DLC1: variants seen among roughly 807,000 people sequenced by gnomAD.
DLC1 encodes rho GTPase-activating protein 7.
Under a neutral mutation model 140.3 loss-of-function variants are expected in DLC1, and 54 were observed. The observed-to-expected ratio is 0.38, with a 90% CI of 0.31 to 0.48. The LOEUF is 0.48. DLC1 is among the 20% of genes least tolerant of loss of function. The pLI is 0.96. For missense variants in DLC1, 2,536 were observed against 1,907.0 expected, an observed-to-expected ratio of 1.33 and a Z score of -6.14; for synonymous variants, 986 against 728.1, an observed-to-expected ratio of 1.35 and a Z score of -5.70.
At chr8:13,168,615 T>G (rs1360716346) in intron 5 of DLC1, among the ~76,000 whole-genome samples, 1 of 152,262 alleles carries the variant, frequency 6.6e-6, no homozygotes, top group African/African-American at 2.4e-5. Context: ...CAGTATCTTT[T>G]GTCTTTTGTT....
At chr8:13,513,823 G>A (rs1337393068) in intron 1 of DLC1, among the ~76,000 whole-genome samples, 6 of 152,146 alleles carry the variant, frequency 3.9e-5, no homozygotes, top group Non-Finnish European at 8.8e-5. Flanking sequence ...TATGACTGGA[G>A]TGATTTCTGG....
In DLC1 at chr8:13,146,005, G is replaced by A. The variant is rs554053338; in HGVS notation, c.1349-30348C>T. Among the ~76,000 whole-genome samples the A allele has an allele frequency of 1.1e-4, 16 of 152,198 alleles. 1 individual carries two copies. The South Asian group carries it at 2.1e-3, about 20-fold the overall frequency. On this transcript the variant is annotated intron_variant, in intron 5 of 17. Transcript: ENST00000276297. ...CTTAAAATATACTGTAGGGCCGGGC[G>A]CAGTGGCTCATACCTGTAATCCCAG...
chr8:13,200,532 T>C (rs916423680), intron 5 of DLC1, among the ~76,000 whole-genome samples: 4 of 152,216 alleles, frequency 2.6e-5, no homozygotes, highest in African/African-American at 9.6e-5. Flanking sequence ...TGATGTTTTC[T>C]TTCCTAAATA....
intron 2 of DLC1, among the ~76,000 whole-genome samples, chr8:13,414,189 A>G (rs1421797253): frequency 2.6e-5 from 4 of 152,282 alleles, no homozygotes; most frequent in Middle Eastern, 6.8e-3. Flanking sequence ...AGGAATTAAA[A>G]ATTTTTTGGT....
At chr8:13,451,148 A>C (rs1196547788) in intron 2 of DLC1, among the ~76,000 whole-genome samples, 2 of 151,884 alleles carry the variant, frequency 1.3e-5, no homozygotes, top group East Asian at 3.9e-4. Context: ...TATGTTTGAA[A>C]AAACAAAGAT....
At chr8:13,393,468 C>A (rs1037603763) in intron 4 of DLC1, 85 bp downstream of exon 4, 1 of 1,400,958 alleles carries the variant, frequency 7.1e-7, no homozygotes, top group Non-Finnish European at 9.7e-7. Flanking sequence ...AACAGTATTT[C>A]TTCTATATCG....
chr8:13,166,137 C>T (rs1825090049), intron 5 of DLC1, among the ~76,000 whole-genome samples: 2 of 152,124 alleles, frequency 1.3e-5, no homozygotes, highest in Non-Finnish European at 2.9e-5. Context: ...AGGCTCAGAA[C>T]CCTGGCATCT....
At position 13,385,399 on chromosome 8, in the gene DLC1, C is replaced by G. The variant is rs957995931; in HGVS notation, c.1314+8154G>C. Among the ~76,000 whole-genome samples, 7 of 151,938 alleles carry G rather than the reference C, an allele frequency of 4.6e-5. No homozygotes were observed. The South Asian group carries it at 1.5e-3, about 32-fold the overall frequency. On this transcript the variant is annotated intron_variant, in intron 4 of 17. Transcript: ENST00000276297. The stretch of plus-strand genomic sequence containing the variant: ...AGGTCATCTGGATTATACCAGCTGG[C>G]TAAAGTAGAAAGACTAGAGAAACGC...
intron 2 of DLC1, among the ~76,000 whole-genome samples, chr8:13,422,696 G>A (rs960598069): frequency 4.0e-5 from 6 of 151,434 alleles, no homozygotes; most frequent in Non-Finnish European, 8.8e-5. Flanking sequence ...TTTCTATATC[G>A]AGCAACTATT....
intron 5 of DLC1, among the ~76,000 whole-genome samples, chr8:13,300,381 C>G (rs1006261891): frequency 2.6e-5 from 4 of 152,154 alleles, no homozygotes; most frequent in African/African-American, 9.7e-5. Context: ...CACCATGACA[C>G]ACGTTTACCT....
At chr8:13,564,413 G>C (rs577362567) in intron 1 of DLC1, among the ~76,000 whole-genome samples, 1 of 152,226 alleles carries the variant, frequency 6.6e-6, no homozygotes, top group Admixed American at 6.5e-5. Flanking sequence ...ATTTCATCTT[G>C]CTGCATCTAC....
chr8:13,454,534 G>A (rs1283947648), intron 2 of DLC1, among the ~76,000 whole-genome samples: 8 of 152,114 alleles, frequency 5.3e-5, no homozygotes, highest in Admixed American at 5.2e-4. Flanking sequence ...TAATAAAGAA[G>A]GAGGTATACA....
chr8:13,538,299 C>G (rs1481187843), intron 1 of DLC1, among the ~76,000 whole-genome samples: 1 of 151,760 alleles, frequency 6.6e-6, no homozygotes, highest in Non-Finnish European at 1.5e-5. Context: ...TGTTTATAAA[C>G]TTTCGTGTAA....
At chr8:13,189,111 C>G (rs2117016570) in intron 5 of DLC1, among the ~76,000 whole-genome samples, 1 of 151,960 alleles carries the variant, frequency 6.6e-6, no homozygotes, top group South Asian at 2.1e-4. Flanking sequence ...CATTAAAAGA[C>G]ATAGTTTTTC....
At chr8:13,141,469 T>G (rs1010158312) in intron 5 of DLC1, among the ~76,000 whole-genome samples, 1 of 152,192 alleles carries the variant, frequency 6.6e-6, no homozygotes, top group Admixed American at 6.5e-5. Flanking sequence ...ATGGCTATTT[T>G]CAGCCTTTCA....
chr8:13,404,381 C>G (rs541693751), intron 2 of DLC1, among the ~76,000 whole-genome samples: 1 of 152,048 alleles, frequency 6.6e-6, no homozygotes, highest in Non-Finnish European at 1.5e-5. Flanking sequence ...TTGGCCCGTT[C>G]GAGCTGGTGT....
intron 5 of DLC1, among the ~76,000 whole-genome samples, chr8:13,146,291 C>A (rs1043249044): frequency 6.7e-6 from 1 of 150,054 alleles, no homozygotes; most frequent in Non-Finnish European, 1.5e-5. Flanking sequence ...AAAAAAAATA[C>A]ACTGTAATAC....
At chr8:13,539,968 T>C (rs1422938500) in intron 1 of DLC1, among the ~76,000 whole-genome samples, 2 of 152,336 alleles carry the variant, frequency 1.3e-5, no homozygotes, top group East Asian at 3.9e-4. Context: ...GGAGACGTTA[T>C]CAAATTGACA....
chr8:13,395,099 C>T (rs1836972724), intron 3 of DLC1, among the ~76,000 whole-genome samples: 1 of 147,304 alleles, frequency 6.8e-6, no homozygotes, highest in South Asian at 2.2e-4. Context: ...TCCTATCCAT[C>T]TATGCATCCA....
Sources: gnomAD v4.1 joint callset for allele counts (sites outside exome capture counted in the v4.1 genomes callset) on GRCh38, gnomAD v4.1.1 for gene constraint, MANE v1.5 for transcripts, NCBI Gene and HGNC (gene_info 2026-07-23, HGNC 2026-07-21) for gene names.